The following ARRDC5 variants were observed in gnomAD, a reference collection of about 807,000 sequenced individuals.
ARRDC5 encodes the protein arrestin domain containing 5, also known as arrestin domain-containing protein 5.
ARRDC5 carries 12 observed loss-of-function variants against 13.3 expected under a neutral mutation model. The ratio of observed to expected loss-of-function variants is 0.90; its 90% CI spans 0.58 to 1.46. The LOEUF is 1.46. Among genes scored for constraint, ARRDC5 ranks in the 40% most tolerant of loss-of-function variants. ARRDC5 has a pLI of 0.00. For synonymous variants in ARRDC5, 181 were observed against 173.4 expected (o/e 1.04, Z -0.34); for missense variants, 406 against 418.7 (o/e 0.97, Z 0.26).
chr19:4,915,674 C>T, the ARRDC5 span, among the ~76,000 whole-genome samples: 2 of 152,100 alleles, frequency 1.3e-5, no homozygotes, highest in Non-Finnish European at 1.5e-5. Flanking sequence ...CCCACCACTG[C>T]ACTCCAGCCT....
In ARRDC5 at chr19:4,891,337, G is replaced by A. The variant is rs1348650946; in HGVS notation, c.696C>T (p.Asp232=). The change falls in exon 3 of 3, where the codon GAC becomes GAT. Residue 232 remains aspartate, a synonymous_variant. Coordinates refer to ENST00000650722, the MANE Select transcript of ARRDC5 (RefSeq NM_001080523.3). ...TPSAERRSRL[D]SSELLRQEAN... Reference sequence around the variant, plus strand: ...CCTCCTGCCTCAGAAGCTCGCTGCTGTCCAGCCGAGACCGCCGCTCTGCAC... The same window carrying A: ...CCTCCTGCCTCAGAAGCTCGCTGCTATCCAGCCGAGACCGCCGCTCTGCAC... The A allele has an allele frequency of 6.2e-7, 1 of 1,613,828 alleles. No homozygotes were observed. The highest frequency in any genetic ancestry group is 1.6e-4 in the Middle Eastern group (1 of 6,062).
At chr19:4,896,405 C>CACAT (rs539564532) in intron 2 of ARRDC5, among the ~76,000 whole-genome samples, 12 of 106,390 alleles carry the variant, frequency 1.1e-4, no homozygotes, top group South Asian at 6.1e-4. Context: ...CACACACACA[C>CACAT]ATATATATAA....
upstream of ARRDC5, among the ~76,000 whole-genome samples, chr19:4,904,138 C>T (rs1358876386): frequency 2.6e-5 from 4 of 151,522 alleles, no homozygotes; most frequent in Non-Finnish European, 2.9e-5. Flanking sequence ...GTTACAGGCA[C>T]CTGCCCCCGT....
Position 4,890,859 on chromosome 19 carries a change from T to G in ARRDC5, c.*187A>C, listed in dbSNP as rs2031476016. Reference sequence around the variant, plus strand: ...TGGGAGACCTTCCCGGTTTCCTTTGTCCATTCCAGGCATTCAGTGATAGTT... The same window carrying G: ...TGGGAGACCTTCCCGGTTTCCTTTGGCCATTCCAGGCATTCAGTGATAGTT... On this transcript the variant is annotated 3_prime_UTR_variant, in exon 3 of 3. Coordinates refer to ENST00000650722, the MANE Select transcript of ARRDC5 (RefSeq NM_001080523.3). The G allele has an allele frequency of 5.1e-6, 3 of 587,416 alleles. No homozygotes were observed. Among genetic ancestry groups the G allele is most frequent in the Non-Finnish European group, 8.9e-6 (3 of 335,848 alleles). The allele number at this position is 587,416 out of a possible 1,614,324, so 36.4% of individuals were successfully genotyped here. A position where few individuals can be genotyped will look rare whatever the true frequency, so the allele number is the denominator to read the frequency against.
At chr19:4,902,536 T>A in intron 1 of ARRDC5, 37 bp downstream of exon 1, 3 of 1,600,646 alleles carry the variant, frequency 1.9e-6, no homozygotes, top group Non-Finnish European at 2.6e-6. Context: ...CCCAGGTTCC[T>A]GTCATGGCTA....
chr19:4,892,754 A>G (rs147713620), intron 2 of ARRDC5, among the ~76,000 whole-genome samples: 3 of 152,238 alleles, frequency 2.0e-5, no homozygotes, highest in African/African-American at 7.2e-5. Flanking sequence ...TTATCTTAAT[A>G]TAAAAAAGTG....
the ARRDC5 span, chr19:4,909,325 G>A: frequency 1.7e-6 from 1 of 577,330 alleles, no homozygotes; most frequent in Non-Finnish European, 3.0e-6. Flanking sequence ...GCGCAGGGCT[G>A]GGCGGAGCCG....
rs776203623 is a variant in ARRDC5 at position 4,902,845 on chromosome 19, A to G, written c.-20T>C. The G allele has an allele frequency of 6.2e-7, 1 of 1,613,684 alleles. No homozygotes were observed. Among genetic ancestry groups the G allele is most frequent in the Non-Finnish European group, 8.5e-7 (1 of 1,179,836 alleles). ...AGACATGGGGGGTTGGGGGGTAGAG[A>G]GACATTCCTCTCTGTCCCCCATGTC... On this transcript the variant is annotated 5_prime_UTR_variant, in exon 1 of 3. Coordinates refer to ENST00000650722, the MANE Select transcript of ARRDC5 (RefSeq NM_001080523.3).
the ARRDC5 span, among the ~76,000 whole-genome samples, chr19:4,914,564 G>A: frequency 2.0e-5 from 3 of 152,042 alleles, no homozygotes; most frequent in Admixed American, 6.6e-5. Flanking sequence ...CTTGATGGGC[G>A]GGAACGCAGG....
At chr19:4,896,327 A>ATATAT (rs1244498156) in intron 2 of ARRDC5, among the ~76,000 whole-genome samples, 2 of 70,126 alleles carry the variant, frequency 2.9e-5, no homozygotes, top group East Asian at 3.6e-4. Context: ...AAAAAAAAAA[A>ATATAT]AAATATATAT....
At chr19:4,912,385 C>T in the ARRDC5 span, among the ~76,000 whole-genome samples, 1 of 152,208 alleles carries the variant, frequency 6.6e-6, no homozygotes, top group African/African-American at 2.4e-5. Flanking sequence ...GTTTCTGAAG[C>T]CTGCAAGGAC....
At chr19:4,914,124 C>T in the ARRDC5 span, among the ~76,000 whole-genome samples, 2 of 151,820 alleles carry the variant, frequency 1.3e-5, no homozygotes, top group Admixed American at 6.6e-5. Context: ...TCGCATCCGG[C>T]CCCCATGCAG....
chr19:4,894,728 A>AGAAGAG (rs148997621), intron 2 of ARRDC5, among the ~76,000 whole-genome samples: 45 of 141,102 alleles, frequency 3.2e-4, no homozygotes, highest in East Asian at 1.3e-3. Flanking sequence ...GAGAAGAAGA[A>AGAAGAG]GAAGAGGAAG....
intron 1 of ARRDC5, among the ~76,000 whole-genome samples, chr19:4,900,794 C>A (rs913096928): frequency 6.6e-6 from 1 of 151,980 alleles, no homozygotes; most frequent in Non-Finnish European, 1.5e-5. Flanking sequence ...CCAAGGTGGG[C>A]GGATCACCTG....
chr19:4,903,030 T>TTTTTCCCTGGTTC, upstream of ARRDC5: 2 of 233,526 alleles, frequency 8.6e-6, no homozygotes, highest in Non-Finnish European at 6.7e-6. Context: ...TCACTGGTTC[T>TTTTTCCCTGGTTC]TTTTTTTTTT....
At chr19:4,903,882 A>G (rs2032002405), upstream of ARRDC5, among the ~76,000 whole-genome samples, 1 of 152,190 alleles carries the variant, frequency 6.6e-6, no homozygotes, top group Admixed American at 6.6e-5. Context: ...TATGGCCAGG[A>G]CCTGAAATCT....
intron 2 of ARRDC5, among the ~76,000 whole-genome samples, chr19:4,896,352 T>A (rs77864608): frequency 0.19 from 10,755 of 55,340 alleles, 1,099 homozygotes; most frequent in Middle Eastern, 0.26. Context: ...ATATATATTT[T>A]TTTTTTTTTA....
intron 1 of ARRDC5, among the ~76,000 whole-genome samples, chr19:4,897,644 A>G (rs2031779489): frequency 6.6e-6 from 1 of 152,170 alleles, no homozygotes; most frequent in South Asian, 2.1e-4. Context: ...AGCCTCCAGA[A>G]GAGCTGGGAC....
chr19:4,913,137 CT>C, the ARRDC5 span, among the ~76,000 whole-genome samples: 2 of 152,082 alleles, frequency 1.3e-5, no homozygotes, highest in African/African-American at 2.4e-5. Flanking sequence ...CCCAAAACCC[CT>C]ATCTCCCCTC....
Sources: allele counts gnomAD v4.1 joint callset (sites outside exome capture counted in the v4.1 genomes callset), GRCh38; gene constraint gnomAD v4.1.1; transcripts MANE v1.5; gene names NCBI Gene and HGNC (gene_info 2026-07-23, HGNC 2026-07-21).